The following PCDH15 variants were observed in gnomAD, a reference collection of about 807,000 sequenced individuals.
PCDH15 encodes protocadherin-15.
Under a neutral mutation model 178.5 loss-of-function variants are expected in PCDH15, and 129 were observed. The observed-to-expected ratio is 0.72, with a 90% confidence interval of 0.63 to 0.84. The LOEUF is 0.84. Ranked by LOEUF, PCDH15 falls within the 40% of genes least tolerant of loss-of-function variation. The probability of loss-of-function intolerance (pLI) is 0.00; values close to 1 mark genes in which losing one functional copy is unlikely to be tolerated. For missense variants in PCDH15, 2,230 were observed against 2,099.9 expected, an observed-to-expected ratio of 1.06 and a Z score of -1.21; for synonymous variants, 800 against 732.0, an observed-to-expected ratio of 1.09 and a Z score of -1.50.
chr10:55,082,653 C>A (rs1842072433), intron 2 of PCDH15, among the ~76,000 whole-genome samples: 1 of 146,700 alleles, frequency 6.8e-6, no homozygotes, highest in Non-Finnish European at 1.5e-5. Context: ...ATTGACAAAT[C>A]TTGAATTAAA....
intron 2 of PCDH15, among the ~76,000 whole-genome samples, chr10:55,621,183 A>T (rs1250615755): frequency 1.3e-5 from 2 of 152,196 alleles, no homozygotes; most frequent in Non-Finnish European, 2.9e-5. Flanking sequence ...ATAGAATTTA[A>T]CTTATATGTT....
At chr10:54,377,350 C>T (rs1948592688) in intron 4 of PCDH15, among the ~76,000 whole-genome samples, 1 of 152,078 alleles carries the variant, frequency 6.6e-6, no homozygotes, top group African/African-American at 2.4e-5. Context: ...ATTTACCTCA[C>T]TATTTGTCTA....
chr10:54,714,819 A>G (rs1317654195), intron 1 of PCDH15, among the ~76,000 whole-genome samples: 2 of 152,130 alleles, frequency 1.3e-5, no homozygotes, highest in South Asian at 2.1e-4. Flanking sequence ...AACTTTTTAA[A>G]TCTTCATGTA....
At chr10:55,429,195 G>A (rs1379987192) in intron 2 of PCDH15, among the ~76,000 whole-genome samples, 1 of 151,960 alleles carries the variant, frequency 6.6e-6, no homozygotes, top group Non-Finnish European at 1.5e-5. Flanking sequence ...CCTTTGAATA[G>A]ATTTATATTA....
At chr10:55,216,649 A>G (rs1371307152) in intron 1 of PCDH15, among the ~76,000 whole-genome samples, 1 of 151,920 alleles carries the variant, frequency 6.6e-6, no homozygotes, top group Non-Finnish European at 1.5e-5. Flanking sequence ...TATGCTAATT[A>G]CCTTGATTTA....
At position 55,388,334 on chromosome 10, in the gene PCDH15, G is replaced by A. The variant is rs964835787; in HGVS notation, c.-155-221683C>T. On this transcript the variant is annotated intron_variant, in intron 2 of 5. Transcript: ENST00000613346. ...AACTCTTAGGAGCTGATCCTTCTCT[G>A]ATGGCTGGTTGACCTTCATTTCTGT... 4.0e-5 allele frequency among the ~76,000 whole-genome samples: 6 copies of A among 151,878 alleles called. No homozygotes were observed. In the East Asian group the frequency reaches 1.2e-3, roughly 29 times the overall value.
intron 1 of PCDH15, among the ~76,000 whole-genome samples, chr10:54,748,396 C>CT (rs1426255040): frequency 1.3e-5 from 2 of 152,060 alleles, no homozygotes; most frequent in South Asian, 2.1e-4. Context: ...GGTCCGTGCT[C>CT]TTTTTTAATT....
intron 1 of PCDH15, among the ~76,000 whole-genome samples, chr10:54,776,361 G>C (rs1488131932): frequency 6.6e-6 from 1 of 151,758 alleles, no homozygotes; most frequent in East Asian, 1.9e-4. Flanking sequence ...AAATTAACTA[G>C]TCCCAGCTTA....
chr10:54,791,623 C>G (rs1468079347), intron 1 of PCDH15, among the ~76,000 whole-genome samples: 1 of 152,048 alleles, frequency 6.6e-6, no homozygotes, highest in South Asian at 2.1e-4. Flanking sequence ...CCTTTCTAAG[C>G]TCATGCTAAT....
intron 3 of PCDH15, among the ~76,000 whole-genome samples, chr10:54,814,004 ATAT>A (rs1952909147): frequency 6.6e-6 from 1 of 152,170 alleles, no homozygotes; most frequent in Admixed American, 6.6e-5. Context: ...TCATATGCTA[ATAT>A]TTCTGCTGAA....
chr10:54,254,121 A>G (rs905748072), intron 8 of PCDH15, among the ~76,000 whole-genome samples: 3 of 152,114 alleles, frequency 2.0e-5, no homozygotes, highest in Non-Finnish European at 4.4e-5. Context: ...TCAAAATACC[A>G]TAAACTCTAT....
intron 1 of PCDH15, among the ~76,000 whole-genome samples, chr10:55,304,443 T>C (rs1324039031): frequency 6.6e-6 from 1 of 152,206 alleles, no homozygotes; most frequent in East Asian, 1.9e-4. Context: ...TTTCTCCACC[T>C]TTCAGGTTTT....
In PCDH15 at chr10:54,815,549, A is replaced by T. The variant is rs77692585; in HGVS notation, c.-29+81901T>A. ...TGGATCATCTCTGCATCAGCAGTTC[A>T]TCTCTCCAGTAAATTGCATATCACA... is the stretch of plus-strand genomic sequence containing the variant. On this transcript the variant is annotated intron_variant, in intron 3 of 5. Coordinates refer to the PCDH15 transcript ENST00000458638. Among the ~76,000 whole-genome samples the T allele has an allele frequency of 3.7e-4, 56 of 152,188 alleles. 1 individual carries two copies. In the East Asian group the frequency reaches 0.011, roughly 29 times the overall value.
chr10:54,367,916 C>T (rs1947052999), intron 5 of PCDH15, among the ~76,000 whole-genome samples: 1 of 151,562 alleles, frequency 6.6e-6, no homozygotes, highest in African/African-American at 2.4e-5. Context: ...ATAAAGTTAG[C>T]ACTCAACCGA....
In PCDH15 at chr10:54,440,783, T is replaced by C. The variant is rs543243976; in HGVS notation, c.158-61841A>G. ...TTGTAAAATTAAAGGCCTAGTCTAATATTACTCTATGTCGGAAGTAAAATA... is the reference window on the plus strand; with the variant it reads ...TTGTAAAATTAAAGGCCTAGTCTAACATTACTCTATGTCGGAAGTAAAATA... On this transcript the variant is annotated intron_variant, in intron 3 of 37. Transcript: ENST00000644397. Among the ~76,000 whole-genome samples, 14 of 152,050 alleles carry C rather than the reference T, an allele frequency of 9.2e-5. No individual in the cohort carries two copies. The South Asian group carries it at 2.5e-3, about 27-fold the overall frequency.
At position 54,682,511 on chromosome 10, in the gene PCDH15, C is replaced by T. The variant is rs545418410; in HGVS notation, c.-28-18221G>A. On this transcript the variant is annotated intron_variant, in intron 1 of 37. Transcript: ENST00000644397. ...AATGGCATTTATTGCATCTTTACCA[C>T]GAACAATATGATTTTTTAAACATGG... is the stretch of plus-strand genomic sequence containing the variant. 5.3e-5 allele frequency among the ~76,000 whole-genome samples: 8 copies of T among 152,180 alleles called. No individual in the cohort carries two copies. In the South Asian group the frequency reaches 1.0e-3, roughly 20 times the overall value.
intron 1 of PCDH15, among the ~76,000 whole-genome samples, chr10:54,682,093 G>T (rs2094912151): frequency 6.6e-6 from 1 of 152,182 alleles, no homozygotes. Flanking sequence ...ATTGCATAGG[G>T]ATGATGGACC....
At chr10:55,445,713 CA>C (rs969972935) in intron 2 of PCDH15, among the ~76,000 whole-genome samples, 1 of 151,626 alleles carries the variant, frequency 6.6e-6, no homozygotes, top group South Asian at 2.1e-4. Context: ...TTAAAAACAC[CA>C]AAAAAAATCC....
chr10:54,439,261 G>A (rs1445228292), intron 3 of PCDH15, among the ~76,000 whole-genome samples: 1 of 151,824 alleles, frequency 6.6e-6, no homozygotes, highest in African/African-American at 2.4e-5. Flanking sequence ...GTTTAAGAAA[G>A]ATAAGAAAAG....
Sources: gnomAD v4.1 joint callset for allele counts (sites outside exome capture counted in the v4.1 genomes callset) on GRCh38, gnomAD v4.1.1 for gene constraint, MANE v1.5 for transcripts, NCBI Gene and HGNC (gene_info 2026-07-23, HGNC 2026-07-21) for gene names.